Variants in APBA2 observed in about 807,000 individuals in gnomAD.
APBA2 encodes amyloid-beta A4 precursor protein-binding family A member 2.
In APBA2, 30 loss-of-function variants were observed where a neutral mutation model predicts 75.0. That is an observed-to-expected ratio of 0.40 (90% confidence interval 0.30 to 0.54). The LOEUF is 0.54. Among genes scored for constraint, APBA2 ranks in the 20% least tolerant of loss-of-function variants. The pLI, the probability that APBA2 is intolerant of heterozygous loss-of-function variation, is 0.49. For missense variants in APBA2, 801 were observed against 1,016.1 expected (o/e 0.79, Z 2.88); for synonymous variants, 444 against 409.6 (o/e 1.08, Z -1.01).
intron 6 of APBA2, among the ~76,000 whole-genome samples, chr15:29,080,692 C>T (rs1314687957): frequency 6.6e-6 from 1 of 152,142 alleles, no homozygotes; most frequent in Non-Finnish European, 1.5e-5. Context: ...GCAGCTTGAG[C>T]CCAAGCTGCT....
intron 13 of APBA2, among the ~76,000 whole-genome samples, chr15:29,110,171 A>G (rs1214839746): frequency 2.6e-5 from 4 of 152,328 alleles, no homozygotes; most frequent in Middle Eastern, 6.8e-3. Context: ...CTTCTGGGCT[A>G]CTGCACCCCC....
chr15:29,017,029 A>G (rs550943601), intron 3 of APBA2, among the ~76,000 whole-genome samples: 18 of 152,298 alleles, frequency 1.2e-4, no homozygotes, highest in Non-Finnish European at 2.4e-4. Flanking sequence ...GATGACAGGC[A>G]GGCAGCGCTT....
At chr15:28,979,196 G>A (rs1046268056) in intron 2 of APBA2, among the ~76,000 whole-genome samples, 3 of 151,856 alleles carry the variant, frequency 2.0e-5, no homozygotes, top group Admixed American at 6.6e-5. Flanking sequence ...TCCCTTCTTC[G>A]TCCCCCTCCT....
intron 2 of APBA2, among the ~76,000 whole-genome samples, chr15:28,941,502 CA>C (rs72376564): frequency 0.25 from 14,921 of 60,486 alleles, 788 homozygotes; most frequent in African/African-American, 0.43. Context: ...ACTTGGGAGG[CA>C]AAAAAAAAAA....
At chr15:29,032,244 G>A (rs11635344) in intron 3 of APBA2, among the ~76,000 whole-genome samples, 1 of 152,264 alleles carries the variant, frequency 6.6e-6, no homozygotes. Flanking sequence ...TCAAACACCA[G>A]TCTGGATGTT....
chr15:28,999,539 G>A (rs1014349407), intron 3 of APBA2, among the ~76,000 whole-genome samples: 9 of 152,138 alleles, frequency 5.9e-5, no homozygotes, highest in African/African-American at 1.9e-4. Flanking sequence ...TCTGATAATC[G>A]AAGGGTTGCC....
At position 28,950,423 on chromosome 15, in the gene APBA2, C is replaced by T. The variant is rs575825984; in HGVS notation, c.-95+28674C>T. Among the ~76,000 whole-genome samples the T allele has an allele frequency of 5.9e-5, 9 of 151,958 alleles. No individual in the cohort carries two copies. In the East Asian group the frequency reaches 1.2e-3, roughly 20 times the overall value. ...TGGGTGGATCATGAGGTCAGGAGAT[C>T]GAGACCATCTTGGCTAACATGGTGA... On this transcript the variant is annotated intron_variant, in intron 2 of 14. Transcript: ENST00000683413.
intron 3 of APBA2, among the ~76,000 whole-genome samples, chr15:29,049,774 A>G (rs768012959): frequency 2.0e-5 from 3 of 152,166 alleles, no homozygotes; most frequent in African/African-American, 2.4e-5. Context: ...GTCACATGCT[A>G]TATCTTGCTG....
chr15:29,002,916 G>T (rs2038923419), intron 3 of APBA2, among the ~76,000 whole-genome samples: 1 of 152,162 alleles, frequency 6.6e-6, no homozygotes, highest in African/African-American at 2.4e-5. Context: ...CATCTCGAAG[G>T]ATGAATATAC....
intron 2 of APBA2, among the ~76,000 whole-genome samples, chr15:28,938,410 T>G (rs1449810534): frequency 6.6e-6 from 1 of 152,248 alleles, no homozygotes; most frequent in African/African-American, 2.4e-5. Context: ...TCCTGTTTGA[T>G]GCTGACTTTT....
intron 2 of APBA2, chr15:28,976,904 A>G (rs112561330): frequency 9.9e-5 from 15 of 152,170 alleles, no homozygotes; most frequent in African/African-American, 3.6e-4. Flanking sequence ...ATGTTCCTCA[A>G]TGGTATTGTT....
chr15:29,045,073 C>CTCTCTCTCTCTCTCTCTCTT (rs1566940691), intron 3 of APBA2, among the ~76,000 whole-genome samples: 1 of 108,006 alleles, frequency 9.3e-6, no homozygotes, highest in Admixed American at 8.3e-5. Flanking sequence ...CCCTCCTTCT[C>CTCTCTCTCTCTCTCTCTCTT]TCTCTCTCTC....
intron 14 of APBA2, among the ~76,000 whole-genome samples, chr15:29,116,485 G>A (rs1404779891): frequency 2.0e-5 from 3 of 151,200 alleles, no homozygotes; most frequent in Admixed American, 6.6e-5. Flanking sequence ...AAAATTCGCT[G>A]GGTGTGGTGG....
At chr15:28,926,559 CAAATA>C (rs1196464312) in intron 2 of APBA2, among the ~76,000 whole-genome samples, 4 of 151,972 alleles carry the variant, frequency 2.6e-5, no homozygotes, top group South Asian at 4.1e-4. Flanking sequence ...ATTTTTATAT[CAAATA>C]AGAGTAAGGA....
chr15:28,974,910 A>T (rs557451512), intron 2 of APBA2, among the ~76,000 whole-genome samples: 4 of 152,288 alleles, frequency 2.6e-5, no homozygotes, highest in African/African-American at 9.6e-5. Flanking sequence ...TTGGAAATTC[A>T]TGAGTTTTAG....
Position 29,117,257 on chromosome 15 carries a change from A to C in APBA2, c.*124A>C. Reference sequence around the variant, plus strand: ...CCCAGCCACGGACGCTGGCTCCCCAAAGGGTGTGCCCTCACCACCCACTTG... The same window carrying C: ...CCCAGCCACGGACGCTGGCTCCCCACAGGGTGTGCCCTCACCACCCACTTG... On this transcript the variant is annotated 3_prime_UTR_variant, in exon 15 of 15. Coordinates refer to ENST00000683413, the MANE Select transcript of APBA2 (RefSeq NM_001353788.2). 1 of 873,394 alleles carries C rather than the reference A, an allele frequency of 1.1e-6. No individual in the cohort carries two copies. The highest frequency in any genetic ancestry group is 1.9e-6 in the Non-Finnish European group (1 of 530,664). The allele number at this position is 873,394 out of a possible 1,614,324, so 54.1% of individuals were successfully genotyped here.
intron 2 of APBA2, among the ~76,000 whole-genome samples, chr15:28,960,999 T>C (rs963008181): frequency 6.6e-6 from 1 of 152,060 alleles, no homozygotes; most frequent in African/African-American, 2.4e-5. Context: ...CCTCAGGTGA[T>C]TCACCTGCCT....
intron 2 of APBA2, chr15:28,970,530 A>G (rs2037009219): frequency 6.6e-6 from 1 of 150,434 alleles, no homozygotes; most frequent in Non-Finnish European, 1.5e-5. Flanking sequence ...AAAAAAAAAA[A>G]ATAGTAATTT....
At chr15:29,089,510 G>T (rs1302062042) in intron 6 of APBA2, among the ~76,000 whole-genome samples, 3 of 152,154 alleles carry the variant, frequency 2.0e-5, no homozygotes, top group African/African-American at 7.2e-5. Context: ...GATATACAGG[G>T]ACAGGTCTTG....
Sources: gnomAD v4.1 joint callset for allele counts (sites outside exome capture counted in the v4.1 genomes callset) on GRCh38, gnomAD v4.1.1 for gene constraint, MANE v1.5 for transcripts, NCBI Gene and HGNC (gene_info 2026-07-23, HGNC 2026-07-21) for gene names.